PTPRD: variants seen among roughly 807,000 people sequenced by gnomAD.
PTPRD encodes the protein receptor-type tyrosine-protein phosphatase delta.
A neutral mutation model predicts 214.5 loss-of-function variants in PTPRD; 34 were observed. The ratio of observed to expected loss-of-function variants is 0.16; its 90% confidence interval spans 0.12 to 0.21. The LOEUF (loss-of-function observed/expected upper bound fraction) is 0.21. PTPRD is among the 10% of genes least tolerant of loss of function. PTPRD has a pLI of 1.00. For synonymous variants in PTPRD, 1,128 were observed against 845.7 expected (o/e 1.33, Z -5.79); for missense variants, 2,545 against 2,398.7 (o/e 1.06, Z -1.27).
chr9:9,315,031 A>G (rs1034322188), intron 9 of PTPRD, among the ~76,000 whole-genome samples: 4 of 151,956 alleles, frequency 2.6e-5, no homozygotes, highest in Admixed American at 2.6e-4. Context: ...ACTCACCTAG[A>G]TTTTATTTAT....
At chr9:8,695,248 A>C (rs942867358) in intron 12 of PTPRD, among the ~76,000 whole-genome samples, 2 of 152,126 alleles carry the variant, frequency 1.3e-5, no homozygotes. Flanking sequence ...CCTTCTCAAA[A>C]ACTCCCCAGT....
chr9:8,390,211 C>T (rs1203751706), intron 36 of PTPRD, among the ~76,000 whole-genome samples: 2 of 152,154 alleles, frequency 1.3e-5, no homozygotes, highest in African/African-American at 4.8e-5. Flanking sequence ...ACTGTAACTT[C>T]TTCAAACCCA....
intron 11 of PTPRD, among the ~76,000 whole-genome samples, chr9:8,808,737 CA>C (rs2096739240): frequency 6.6e-6 from 1 of 151,928 alleles, no homozygotes; most frequent in African/African-American, 2.4e-5. Context: ...CAACGGTTAT[CA>C]AAAGACCACC....
chr9:8,479,828 T>A (rs1286210238), intron 30 of PTPRD, among the ~76,000 whole-genome samples: 1 of 152,192 alleles, frequency 6.6e-6, no homozygotes, highest in Non-Finnish European at 1.5e-5. Flanking sequence ...GAGACATGCA[T>A]GTTTTTTTAA....
At chr9:10,131,680 A>C (rs1429525110) in intron 3 of PTPRD, among the ~76,000 whole-genome samples, 1 of 152,064 alleles carries the variant, frequency 6.6e-6, no homozygotes, top group African/African-American at 2.4e-5. Context: ...ATCTTTCATA[A>C]TTGGATCTAA....
intron 11 of PTPRD, among the ~76,000 whole-genome samples, chr9:8,924,538 C>G (rs1368684): frequency 6.6e-6 from 1 of 151,858 alleles, no homozygotes; most frequent in Non-Finnish European, 1.5e-5. Flanking sequence ...AAAGTGGTAC[C>G]TGAATTTCAC....
intron 5 of PTPRD, among the ~76,000 whole-genome samples, chr9:9,918,763 C>T (rs570032508): frequency 2.6e-5 from 4 of 152,106 alleles, no homozygotes; most frequent in African/African-American, 4.8e-5. Context: ...CTATAGCCAT[C>T]TGATTTTTGG....
intron 11 of PTPRD, among the ~76,000 whole-genome samples, chr9:8,918,970 A>T (rs1227219896): frequency 6.6e-6 from 1 of 152,204 alleles, no homozygotes; most frequent in Non-Finnish European, 1.5e-5. Context: ...CGACTGAAAA[A>T]GACCACACAT....
At chr9:9,139,619 G>C (rs62529501) in intron 10 of PTPRD, among the ~76,000 whole-genome samples, 2 of 151,710 alleles carry the variant, frequency 1.3e-5, no homozygotes, top group African/African-American at 4.8e-5. Context: ...ACAAAGGGTG[G>C]ATTCATGTCC....
At chr9:9,297,977 A>C (rs1953743909) in intron 9 of PTPRD, among the ~76,000 whole-genome samples, 1 of 151,668 alleles carries the variant, frequency 6.6e-6, no homozygotes, top group Non-Finnish European at 1.5e-5. Flanking sequence ...TGGTTTGGAT[A>C]ATTCCCAGCA....
At chr9:8,484,913 G>T (rs569836878) in intron 29 of PTPRD, among the ~76,000 whole-genome samples, 1 of 152,112 alleles carries the variant, frequency 6.6e-6, no homozygotes. Flanking sequence ...AATATAAATA[G>T]GTAGAAACCA....
intron 2 of PTPRD, among the ~76,000 whole-genome samples, chr9:10,569,055 T>C (rs1298034497): frequency 6.6e-6 from 1 of 151,780 alleles, no homozygotes; most frequent in Non-Finnish European, 1.5e-5. Context: ...GAATCTACCA[T>C]GAACTCAAAC....
chr9:9,388,260 C>T (rs988320821), intron 9 of PTPRD, among the ~76,000 whole-genome samples: 1 of 152,000 alleles, frequency 6.6e-6, no homozygotes. Flanking sequence ...TTGTGGCAGG[C>T]CAGGGTGGTC....
chr9:9,036,926 A>G (rs962807538), intron 10 of PTPRD, among the ~76,000 whole-genome samples: 1 of 152,144 alleles, frequency 6.6e-6, no homozygotes, highest in East Asian at 1.9e-4. Context: ...TCATAGTTCA[A>G]TGAACTGGGA....
chr9:8,797,905 T>G (rs143776939), intron 11 of PTPRD, among the ~76,000 whole-genome samples: 1 of 151,858 alleles, frequency 6.6e-6, no homozygotes, highest in East Asian at 1.9e-4. Context: ...AGTCTTGATA[T>G]GTCACCGAAG....
At chr9:10,171,834 T>C (rs540798225) in intron 3 of PTPRD, among the ~76,000 whole-genome samples, 3 of 152,274 alleles carry the variant, frequency 2.0e-5, no homozygotes, top group Admixed American at 6.5e-5. Context: ...GGTATATCTT[T>C]ATTAGCAGTG....
At chr9:8,328,214 T>A (rs1381631228) in intron 44 of PTPRD, among the ~76,000 whole-genome samples, 1 of 152,208 alleles carries the variant, frequency 6.6e-6, no homozygotes, top group Non-Finnish European at 1.5e-5. Flanking sequence ...GCAGGCCTGG[T>A]GGTGACAAAA....
chr9:9,719,478 G>C (rs891673833), intron 7 of PTPRD, among the ~76,000 whole-genome samples: 1 of 152,180 alleles, frequency 6.6e-6, no homozygotes, highest in Non-Finnish European at 1.5e-5. Context: ...CCAAGCCAGA[G>C]CTGCTTTAAC....
chr9:8,543,626 T>A (rs1240607223), intron 14 of PTPRD, among the ~76,000 whole-genome samples: 2 of 152,236 alleles, frequency 1.3e-5, no homozygotes, highest in Non-Finnish European at 2.9e-5. Context: ...TATAGTTACA[T>A]GGGCACATGT....
Sources: gnomAD v4.1 joint callset for allele counts (sites outside exome capture counted in the v4.1 genomes callset) on GRCh38, gnomAD v4.1.1 for gene constraint, MANE v1.5 for transcripts, NCBI Gene and HGNC (gene_info 2026-07-23, HGNC 2026-07-21) for gene names.